The following KIAA0825 variants were observed in gnomAD, a reference collection of about 807,000 sequenced individuals.
The protein encoded by KIAA0825 is uncharacterized protein KIAA0825.
Under a neutral mutation model 147.6 loss-of-function variants are expected in KIAA0825, and 119 were observed. The ratio of observed to expected loss-of-function variants is 0.81; its 90% CI spans 0.69 to 0.94. The LOEUF is 0.94. Among genes scored for constraint, KIAA0825 ranks in the 40% least tolerant of loss-of-function variants. KIAA0825 has a pLI of 0.00. For synonymous variants in KIAA0825, 470 were observed against 518.1 expected, an observed-to-expected ratio of 0.91 and a Z score of 1.26; for missense variants, 1,381 against 1,472.7, an observed-to-expected ratio of 0.94 and a Z score of 1.02.
rs979170577 is a variant in KIAA0825, at chr5:94,575,510, T to G, written c.-2+6923A>C. Among the ~76,000 whole-genome samples the G allele has an allele frequency of 2.1e-4, 32 of 152,234 alleles. 1 individual carries two copies. Among genetic ancestry groups the G allele is most frequent in the Admixed American group, 2.0e-3 (31 of 15,276 alleles). ...AACAAGCTTGGGCTTCAGGCCCAAT[T>G]CACCAGAGAAACTAAACAGGGCACA... On this transcript the variant is annotated intron_variant, in intron 2 of 20. Coordinates refer to ENST00000682413, the MANE Select transcript of KIAA0825 (RefSeq NM_001145678.3).
intron 15 of KIAA0825, chr5:94,413,858 A>G (rs779303005): frequency 2.0e-5 from 3 of 152,214 alleles, no homozygotes; most frequent in Non-Finnish European, 2.9e-5. Context: ...CTCAGAATAC[A>G]TGATTAGTTA....
chr5:94,469,876 G>T, intron 10 of KIAA0825, 85 bp downstream of exon 10: 2 of 1,101,866 alleles, frequency 1.8e-6, no homozygotes, highest in African/African-American at 1.6e-5. Flanking sequence ...GTAATGCCAA[G>T]CTCATGTTTC....
chr5:94,515,346 C>T (rs1302120306), intron 5 of KIAA0825, among the ~76,000 whole-genome samples: 2 of 152,150 alleles, frequency 1.3e-5, no homozygotes, highest in Non-Finnish European at 2.9e-5. Context: ...ATATATGGAT[C>T]TGACTTTCCA....
At chr5:94,452,874 C>T (rs3797203) in intron 13 of KIAA0825, 85 bp downstream of exon 13, 117,851 of 651,422 alleles carry the variant, frequency 0.18, 12,708 homozygotes, top group East Asian at 0.48. Context: ...GATATAAGTT[C>T]GTTTACATCC....
At chr5:94,405,801 G>C (rs1287505687) in intron 15 of KIAA0825, among the ~76,000 whole-genome samples, 1 of 152,082 alleles carries the variant, frequency 6.6e-6, no homozygotes, top group African/African-American at 2.4e-5. Context: ...GGATGGCTTG[G>C]AGCAATCCAC....
chr5:94,471,847 G>A, intron 8 of KIAA0825, 116 bp from the exon 9 acceptor site: 1 of 903,620 alleles, frequency 1.1e-6, no homozygotes, highest in Non-Finnish European at 1.7e-6. Context: ...TAAATATAAT[G>A]ACGCAGCTTT....
At chr5:94,367,284 G>A (rs1206722758) in intron 20 of KIAA0825, among the ~76,000 whole-genome samples, 4 of 152,110 alleles carry the variant, frequency 2.6e-5, no homozygotes, top group African/African-American at 9.7e-5. Context: ...ATCACCCGAG[G>A]TGAGGAGTTT....
intron 5 of KIAA0825, among the ~76,000 whole-genome samples, chr5:94,490,017 G>A (rs534438320): frequency 6.6e-6 from 1 of 151,838 alleles, no homozygotes; most frequent in South Asian, 2.1e-4. Context: ...ACTTTTAGAA[G>A]AAGTATGGAA....
At chr5:94,333,758 G>A (rs1781511423) in intron 20 of KIAA0825, among the ~76,000 whole-genome samples, 1 of 152,176 alleles carries the variant, frequency 6.6e-6, no homozygotes, top group East Asian at 1.9e-4. Flanking sequence ...AAAGTCTCAG[G>A]ATACAAAATC....
chr5:94,370,289 A>C (rs1192791874), intron 20 of KIAA0825, among the ~76,000 whole-genome samples: 1 of 152,200 alleles, frequency 6.6e-6, no homozygotes, highest in Non-Finnish European at 1.5e-5. Context: ...GAAAGTAACA[A>C]AGGGTCAGCA....
intron 1 of KIAA0825, chr5:94,593,747 T>C (rs1336379646): frequency 5.5e-6 from 2 of 365,342 alleles, no homozygotes; most frequent in Admixed American, 7.6e-5. Flanking sequence ...TTGTTGAAGA[T>C]AACTCAAGCA....
At chr5:94,207,652 A>G (rs1772329410) in intron 20 of KIAA0825, among the ~76,000 whole-genome samples, 1 of 152,214 alleles carries the variant, frequency 6.6e-6, no homozygotes, top group South Asian at 2.1e-4. Context: ...TCACAATAAC[A>G]CATAGGTAAA....
chr5:94,457,478 G>A (rs1410184767), intron 12 of KIAA0825, among the ~76,000 whole-genome samples: 1 of 152,216 alleles, frequency 6.6e-6, no homozygotes, highest in African/African-American at 2.4e-5. Flanking sequence ...GGGGAAAAGA[G>A]TGCATTTGGG....
chr5:94,473,163 A>C, intron 8 of KIAA0825, 129 bp downstream of exon 8: 1 of 679,010 alleles, frequency 1.5e-6, no homozygotes, highest in Non-Finnish European at 2.5e-6. Flanking sequence ...GAAAACTGGT[A>C]CTGGGTCAAG....
intron 20 of KIAA0825, among the ~76,000 whole-genome samples, chr5:94,294,495 A>C (rs1256323828): frequency 6.6e-6 from 1 of 152,322 alleles, no homozygotes; most frequent in East Asian, 1.9e-4. Context: ...TGGGAGGCCA[A>C]GGTGGGTGGA....
At chr5:94,461,550 G>A (rs559455876) in intron 12 of KIAA0825, among the ~76,000 whole-genome samples, 10 of 152,000 alleles carry the variant, frequency 6.6e-5, no homozygotes, top group Non-Finnish European at 1.2e-4. Flanking sequence ...GGAACATTCT[G>A]TAAACAATGG....
chr5:94,237,796 A>C (rs1263888185), intron 20 of KIAA0825, among the ~76,000 whole-genome samples: 1 of 152,176 alleles, frequency 6.6e-6, no homozygotes, highest in African/African-American at 2.4e-5. Flanking sequence ...TCTTCCTAGC[A>C]AAACAGAATA....
intron 20 of KIAA0825, among the ~76,000 whole-genome samples, chr5:94,257,684 C>T (rs1475278859): frequency 1.3e-5 from 2 of 152,008 alleles, no homozygotes; most frequent in Non-Finnish European, 2.9e-5. Flanking sequence ...CCCTGAGAAT[C>T]TATAGTGTAA....
At chr5:94,512,595 T>TAAA (rs557790918) in intron 5 of KIAA0825, among the ~76,000 whole-genome samples, 3 of 128,210 alleles carry the variant, frequency 2.3e-5, no homozygotes, top group African/African-American at 5.7e-5. Context: ...GATCCTGTCT[T>TAAA]AAAAAAAAAA....
Sources: allele counts gnomAD v4.1 joint callset (sites outside exome capture counted in the v4.1 genomes callset), GRCh38; gene constraint gnomAD v4.1.1; transcripts MANE v1.5; gene names NCBI Gene and HGNC (gene_info 2026-07-23, HGNC 2026-07-21).